PDE8A: variants seen among roughly 807,000 people sequenced by gnomAD.
PDE8A encodes the protein high affinity cAMP-specific and IBMX-insensitive 3',5'-cyclic phosphodiesterase 8A.
In PDE8A, 59 loss-of-function variants were observed where a neutral mutation model predicts 105.0. The ratio of observed to expected loss-of-function variants is 0.56; its 90% CI spans 0.46 to 0.70. PDE8A has a LOEUF of 0.70. Among genes scored for constraint, PDE8A ranks in the 30% least tolerant of loss-of-function variants. The pLI, the probability that PDE8A is intolerant of heterozygous loss-of-function variation, is 0.00. For synonymous variants in PDE8A, 355 were observed against 371.9 expected (o/e 0.95, Z 0.52); for missense variants, 1,014 against 1,045.9 (o/e 0.97, Z 0.42).
chr15:85,091,901 C>CTTTTTTTTTTTTT (rs563631633), intron 8 of PDE8A, among the ~76,000 whole-genome samples: 116 of 88,402 alleles, frequency 1.3e-3, no homozygotes, highest in Non-Finnish European at 2.0e-3. Flanking sequence ...TTCTGCTGGA[C>CTTTTTTTTTTTTT]TTTTTTTTTT....
chr15:85,037,903 T>C (rs777691891), intron 1 of PDE8A, among the ~76,000 whole-genome samples: 7 of 152,210 alleles, frequency 4.6e-5, no homozygotes, highest in Non-Finnish European at 7.3e-5. Context: ...TACTGTGTAG[T>C]AGTTGCATAA....
At chr15:85,073,567 T>C (rs922254094) in intron 3 of PDE8A, among the ~76,000 whole-genome samples, 1 of 152,216 alleles carries the variant, frequency 6.6e-6, no homozygotes, top group Admixed American at 6.5e-5. Context: ...ATTACATCAC[T>C]CCCATCTTGA....
chr15:85,125,197 C>T (rs558984987), intron 19 of PDE8A, among the ~76,000 whole-genome samples: 2 of 152,230 alleles, frequency 1.3e-5, no homozygotes, highest in African/African-American at 4.8e-5. Context: ...GGATGCCACC[C>T]GTCCATCTTG....
rs1055964689 is a variant in PDE8A at position 85,138,265 on chromosome 15, C to A, written c.*362C>A. On this transcript the variant is annotated 3_prime_UTR_variant, in exon 22 of 22. Transcript: ENST00000394553. ...CTATTGCAAACAATTCTCTCAGTTACGTTCAGCACTTAAGAACGGCTAATG... is the reference window on the plus strand; with the variant it reads ...CTATTGCAAACAATTCTCTCAGTTAAGTTCAGCACTTAAGAACGGCTAATG... 1 of 177,384 alleles carries A rather than the reference C, an allele frequency of 5.6e-6. No individual in the cohort carries two copies. The highest frequency in any genetic ancestry group is 1.2e-5 in the Non-Finnish European group (1 of 84,374). The allele number at this position is 177,384 out of a possible 1,614,324, so 11.0% of individuals were successfully genotyped here.
At chr15:85,104,358 C>A (rs1381330456) in intron 11 of PDE8A, among the ~76,000 whole-genome samples, 35 of 152,062 alleles carry the variant, frequency 2.3e-4, no homozygotes, top group Admixed American at 2.3e-3. Flanking sequence ...AAGCAGCACC[C>A]ATAAAGGCAT....
intron 1 of PDE8A, among the ~76,000 whole-genome samples, chr15:84,994,031 C>T (rs376824716): frequency 1.3e-5 from 2 of 152,180 alleles, no homozygotes; most frequent in Non-Finnish European, 2.9e-5. Context: ...TAGATTGAGA[C>T]GCATCTTGAT....
chr15:85,064,002 C>T (rs112560699), intron 1 of PDE8A: 27 of 170,430 alleles, frequency 1.6e-4, no homozygotes, highest in African/African-American at 6.2e-4. Flanking sequence ...AGGGAATCAG[C>T]GTTTATTTAG....
intron 1 of PDE8A, among the ~76,000 whole-genome samples, chr15:84,987,282 G>C (rs1380385130): frequency 6.6e-6 from 1 of 152,082 alleles, no homozygotes; most frequent in Non-Finnish European, 1.5e-5. Context: ...CTTTAAGTGT[G>C]ATTCTTAAGA....
chr15:85,039,188 G>A (rs1469350115), intron 1 of PDE8A, among the ~76,000 whole-genome samples: 1 of 151,972 alleles, frequency 6.6e-6, no homozygotes, highest in Non-Finnish European at 1.5e-5. Flanking sequence ...CACTTTGGGA[G>A]GCTGAGACGG....
chr15:85,119,473 A>AAAAAAAAAAAAC (rs1305132368), intron 17 of PDE8A, among the ~76,000 whole-genome samples: 1 of 150,258 alleles, frequency 6.7e-6, no homozygotes, highest in East Asian at 1.9e-4. Context: ...CGTCTCAAAA[A>AAAAAAAAAAAAC]AAAAAAAACA....
intron 1 of PDE8A, among the ~76,000 whole-genome samples, chr15:85,036,826 A>G (rs1429850164): frequency 6.6e-6 from 1 of 152,208 alleles, no homozygotes; most frequent in South Asian, 2.1e-4. Flanking sequence ...AACATCCATC[A>G]GGCCCCAAGA....
chr15:85,085,261 A>C (rs2081532884), intron 6 of PDE8A, among the ~76,000 whole-genome samples: 1 of 152,228 alleles, frequency 6.6e-6, no homozygotes, highest in Non-Finnish European at 1.5e-5. Context: ...TCCATTATAC[A>C]GGGAGATATA....
chr15:85,102,723 C>T (rs980992990), intron 11 of PDE8A, among the ~76,000 whole-genome samples: 17 of 151,574 alleles, frequency 1.1e-4, no homozygotes, highest in African/African-American at 4.1e-4. Flanking sequence ...CCTGTCATCC[C>T]AGCTACTCAG....
intron 1 of PDE8A, among the ~76,000 whole-genome samples, chr15:85,043,719 G>T (rs1031991443): frequency 1.4e-5 from 2 of 147,900 alleles, no homozygotes; most frequent in Non-Finnish European, 2.9e-5. Flanking sequence ...TTTTTTTGAG[G>T]CAGGGTCTTA....
At chr15:85,018,460 T>C (rs2080365549) in intron 1 of PDE8A, among the ~76,000 whole-genome samples, 1 of 152,206 alleles carries the variant, frequency 6.6e-6, no homozygotes, top group African/African-American at 2.4e-5. Context: ...TTAAGCAACG[T>C]CAATCTCTAG....
At chr15:85,091,441 T>C (rs2081642129) in intron 8 of PDE8A, among the ~76,000 whole-genome samples, 1 of 152,374 alleles carries the variant, frequency 6.6e-6, no homozygotes, top group African/African-American at 2.4e-5. Context: ...AGTAAGTTAA[T>C]AACTTGATAT....
At chr15:85,130,885 GAGTAGCTGGGATTAT>G (rs2082321164) in intron 20 of PDE8A, among the ~76,000 whole-genome samples, 1 of 152,036 alleles carries the variant, frequency 6.6e-6, no homozygotes, top group South Asian at 2.1e-4. Flanking sequence ...TCAGCCTCCT[GAGTAGCTGGGATTAT>G]AGGCACGTAC....
chr15:85,053,338 T>G (rs2141423416), intron 1 of PDE8A, among the ~76,000 whole-genome samples: 1 of 152,342 alleles, frequency 6.6e-6, no homozygotes, highest in East Asian at 1.9e-4. Context: ...TTTAAAGTAG[T>G]CTTTTCCAAT....
intron 11 of PDE8A, among the ~76,000 whole-genome samples, chr15:85,103,234 T>C (rs1421682155): frequency 6.6e-6 from 1 of 152,024 alleles, no homozygotes; most frequent in East Asian, 1.9e-4. Flanking sequence ...AAGAAAAAAG[T>C]TGAAAGACAG....
Sources: gnomAD v4.1 joint callset for allele counts (sites outside exome capture counted in the v4.1 genomes callset) on GRCh38, gnomAD v4.1.1 for gene constraint, MANE v1.5 for transcripts, NCBI Gene and HGNC (gene_info 2026-07-23, HGNC 2026-07-21) for gene names.